The following NBAS variants were observed in gnomAD, a reference collection of about 807,000 sequenced individuals.
NBAS encodes the protein NBAS subunit of NRZ tethering complex.
NBAS carries 219 observed loss-of-function variants against 302.5 expected under a neutral mutation model. The observed-to-expected ratio is 0.72, with a 90% CI of 0.65 to 0.81. NBAS has a LOEUF of 0.81. Ranked by LOEUF, NBAS falls within the 30% of genes least tolerant of loss-of-function variation. The pLI is 0.00. For missense variants in NBAS, 2,932 were observed against 2,841.6 expected (o/e 1.03, Z -0.72); for synonymous variants, 1,118 against 1,021.6 (o/e 1.09, Z -1.80).
At chr2:14,919,096 C>T in the NBAS span, among the ~76,000 whole-genome samples, 2 of 152,038 alleles carry the variant, frequency 1.3e-5, no homozygotes, top group African/African-American at 2.4e-5. Flanking sequence ...GTTAATTTTG[C>T]ACCTATGGAA....
At chr2:15,153,581 C>T in the NBAS span, among the ~76,000 whole-genome samples, 1 of 152,194 alleles carries the variant, frequency 6.6e-6, no homozygotes, top group African/African-American at 2.4e-5. Flanking sequence ...TAGGAGTGAA[C>T]ACAATGTTGA....
intron 26 of NBAS, among the ~76,000 whole-genome samples, chr2:15,399,804 T>TA (rs10719272): frequency 3.3e-5 from 5 of 151,766 alleles, no homozygotes; most frequent in African/African-American, 4.8e-5. Context: ...AAATCTTCTT[T>TA]AAAAAAAATC....
intron 22 of NBAS, among the ~76,000 whole-genome samples, chr2:15,426,321 G>T (rs567778876): frequency 7.2e-5 from 11 of 152,220 alleles, no homozygotes; most frequent in Middle Eastern, 3.4e-3. Context: ...TATTCTGGAA[G>T]GTCATGGTGG....
intron 5 of NBAS, 22 bp from the exon 6 acceptor site, chr2:15,551,558 G>A: frequency 6.3e-7 from 1 of 1,597,864 alleles, no homozygotes. Flanking sequence ...GCAAAATCAA[G>A]GCAAAAGTTT....
At chr2:15,282,807 T>A (rs537855593) in intron 42 of NBAS, among the ~76,000 whole-genome samples, 1 of 152,200 alleles carries the variant, frequency 6.6e-6, no homozygotes, top group Non-Finnish European at 1.5e-5. Flanking sequence ...CATTTAGTTC[T>A]CCTTTGCTTA....
the NBAS span, among the ~76,000 whole-genome samples, chr2:15,107,107 C>A: frequency 4.5e-4 from 69 of 152,154 alleles, no homozygotes; most frequent in East Asian, 9.1e-3. Context: ...GAATTATATA[C>A]CCCAGTGTGA....
intron 47 of NBAS, 58 bp downstream of exon 47, chr2:15,232,364 A>G: frequency 6.6e-7 from 1 of 1,513,408 alleles, no homozygotes; most frequent in Non-Finnish European, 9.2e-7. Context: ...ACTAAGAGCA[A>G]TTCTAATACT....
chr2:15,367,624 C>T (rs752832911), intron 31 of NBAS, among the ~76,000 whole-genome samples: 2 of 152,152 alleles, frequency 1.3e-5, no homozygotes, highest in East Asian at 3.9e-4. Context: ...CAACCCAGCT[C>T]GCTAAATGTT....
At chr2:15,393,867 T>C in intron 28 of NBAS, 1 of 386,242 alleles carries the variant, frequency 2.6e-6, no homozygotes, top group South Asian at 2.1e-5. Flanking sequence ...AAAGTTACAC[T>C]GTGTGACTGA....
chr2:15,069,008 A>C, the NBAS span, among the ~76,000 whole-genome samples: 1 of 152,002 alleles, frequency 6.6e-6, no homozygotes, highest in Non-Finnish European at 1.5e-5. Flanking sequence ...TGTCCCTCTG[A>C]TCTCTCTTCC....
intron 21 of NBAS, among the ~76,000 whole-genome samples, chr2:15,437,599 A>G (rs557605387): frequency 6.6e-6 from 1 of 152,204 alleles, no homozygotes. Flanking sequence ...AGTCTAACAC[A>G]CTTTAGTGTT....
chr2:15,242,432 T>A (rs1667906080), intron 44 of NBAS, among the ~76,000 whole-genome samples: 1 of 152,176 alleles, frequency 6.6e-6, no homozygotes, highest in Admixed American at 6.5e-5. Flanking sequence ...ATGTAAGGTG[T>A]TTTATTTGAC....
chr2:15,412,806 T>C (rs550013358), intron 25 of NBAS, among the ~76,000 whole-genome samples: 3 of 152,296 alleles, frequency 2.0e-5, no homozygotes, highest in African/African-American at 7.2e-5. Flanking sequence ...ATCATTTGCC[T>C]GATAACAGGT....
chr2:15,388,919 A>G, intron 28 of NBAS, among the ~76,000 whole-genome samples: 1 of 149,432 alleles, frequency 6.7e-6, no homozygotes, highest in Non-Finnish European at 1.5e-5. Context: ...TATATAAAGT[A>G]AAAAAAAGAG....
chr2:15,308,474 A>C, intron 39 of NBAS, 121 bp from the exon 40 acceptor site: 23 of 1,235,320 alleles, frequency 1.9e-5, no homozygotes, highest in East Asian at 2.6e-5. Flanking sequence ...ACATCAACTC[A>C]AGCTCAAGAT....
At chr2:15,463,675 C>T (rs1679601755) in intron 19 of NBAS, among the ~76,000 whole-genome samples, 1 of 151,544 alleles carries the variant, frequency 6.6e-6, no homozygotes. Context: ...GCTATGATCC[C>T]TGAACACAAG....
chr2:15,066,270 T>C, the NBAS span, among the ~76,000 whole-genome samples: 1 of 152,212 alleles, frequency 6.6e-6, no homozygotes, highest in Non-Finnish European at 1.5e-5. Context: ...GACCTGAAAT[T>C]ATTTTACTAG....
the NBAS span, among the ~76,000 whole-genome samples, chr2:14,864,730 G>A: frequency 4.3e-4 from 66 of 152,290 alleles, no homozygotes; most frequent in African/African-American, 1.5e-3. Context: ...ATGTGACCAT[G>A]AGCAGTTGAT....
At chr2:14,783,155 G>C in the NBAS span, among the ~76,000 whole-genome samples, 1 of 151,962 alleles carries the variant, frequency 6.6e-6, no homozygotes, top group Non-Finnish European at 1.5e-5. Flanking sequence ...ATAAAACTGG[G>C]TTTTCCACAT....
Sources: allele counts gnomAD v4.1 joint callset (sites outside exome capture counted in the v4.1 genomes callset), GRCh38; gene constraint gnomAD v4.1.1; transcripts MANE v1.5; gene names NCBI Gene and HGNC (gene_info 2026-07-23, HGNC 2026-07-21).